Variants in PCYOX1 observed in about 807,000 individuals in gnomAD.
PCYOX1 encodes the protein prenylcysteine lyase.
Under a neutral mutation model 46.4 loss-of-function variants are expected in PCYOX1, and 46 were observed. The ratio of observed to expected loss-of-function variants is 0.99; its 90% CI spans 0.78 to 1.27. The LOEUF (loss-of-function observed/expected upper bound fraction) is 1.27, where lower values mean the gene tolerates loss of function less well. PCYOX1 is among the 50% of genes most tolerant of loss of function. The pLI, the probability that PCYOX1 is intolerant of heterozygous loss-of-function variation, is 0.00. For missense variants in PCYOX1, 658 were observed against 628.3 expected (o/e 1.05, Z -0.51); for synonymous variants, 220 against 231.8 (o/e 0.95, Z 0.46).
intron 3 of PCYOX1, among the ~76,000 whole-genome samples, chr2:70,265,557 G>A (rs1486277874): frequency 6.6e-6 from 1 of 152,118 alleles, no homozygotes; most frequent in Non-Finnish European, 1.5e-5. Context: ...TTTCCTTAAT[G>A]CTTCAATCAA....
chr2:70,277,676 G>A lies in PCYOX1; in HGVS notation c.*284G>A. On this transcript the variant is annotated 3_prime_UTR_variant, in exon 6 of 6. Transcript: ENST00000433351. ...AAGAATCACCTGGAGTTAGGAGGTG[G>A]TGGTTGCAGTGAGCCAATCTCACCA... 3.6e-6 allele frequency: 1 copy of A among 277,376 alleles called. No individual in the cohort carries two copies. Among genetic ancestry groups the A allele is most frequent in the South Asian group, 7.5e-5 (1 of 13,382 alleles). 17.2% of individuals were successfully genotyped at this position (277,376 alleles called of 1,614,324 possible).
chr2:70,264,854 A>G (rs1309269478), intron 3 of PCYOX1, among the ~76,000 whole-genome samples: 1 of 151,936 alleles, frequency 6.6e-6, no homozygotes, highest in Non-Finnish European at 1.5e-5. Flanking sequence ...CCTTGCTAAA[A>G]ATACAAAAAT....
At chr2:70,268,141 G>T (rs1053983780) in intron 3 of PCYOX1, among the ~76,000 whole-genome samples, 1 of 152,114 alleles carries the variant, frequency 6.6e-6, no homozygotes, top group African/African-American at 2.4e-5. Flanking sequence ...CACTAAGTTT[G>T]TGGTAATTTG....
Position 70,279,663 on chromosome 2 carries a change from T to G in PCYOX1, c.*2271T>G, listed in dbSNP as rs1696740636. On this transcript the variant is annotated 3_prime_UTR_variant, in exon 6 of 6. Coordinates refer to ENST00000433351, the MANE Select transcript of PCYOX1 (RefSeq NM_016297.4). ...CGCATGTCTGTAATCCCAGCTACTG[T>G]AATCTCAGCTACTTGGGAGGCTGAG... 1 of 152,048 alleles carries G rather than the reference T, an allele frequency of 6.6e-6. No homozygotes were observed. Among genetic ancestry groups the G allele is most frequent in the African/African-American group, 2.4e-5 (1 of 41,340 alleles). 9.4% of individuals were successfully genotyped at this position (152,048 alleles called of 1,614,324 possible).
intron 3 of PCYOX1, chr2:70,274,669 TC>T (rs746828380): frequency 1.4e-5 from 5 of 349,520 alleles, no homozygotes; most frequent in Non-Finnish European, 2.7e-5. Flanking sequence ...GCTCAAGCAG[TC>T]CTCCTGCCTC....
Position 70,275,116 on chromosome 2 carries a change from G to C in PCYOX1, c.652G>C (p.Ala218Pro). ...FSEKFLNEMI[A>P]PVMRVNYGQS... is the part of the protein sequence containing the mutation. ...TGAGAAGTTCCTCAATGAAATGATT[G>C]CTCCTGTTATGAGGGTCAATTATGG... Residue 218 changes from alanine (A) to proline (P), a missense_variant, in exon 4 of 6, where the codon GCT becomes CCT. Transcript: ENST00000433351. 1 of 1,614,190 alleles carries C rather than the reference G, an allele frequency of 6.2e-7. No individual in the cohort carries two copies. Among genetic ancestry groups the C allele is most frequent in the African/African-American group, 1.3e-5 (1 of 75,042 alleles).
At chr2:70,271,310 C>T (rs1228847774) in intron 3 of PCYOX1, among the ~76,000 whole-genome samples, 1 of 146,936 alleles carries the variant, frequency 6.8e-6, no homozygotes, top group Non-Finnish European at 1.5e-5. Flanking sequence ...TCTGTGTTGG[C>T]TTCAATGAGA....
At chr2:70,269,199 T>A (rs1169543130) in intron 3 of PCYOX1, among the ~76,000 whole-genome samples, 1 of 149,974 alleles carries the variant, frequency 6.7e-6, no homozygotes, top group Non-Finnish European at 1.5e-5. Flanking sequence ...TTTTTTCAGA[T>A]GATGTTTTAC....
Position 70,278,595 on chromosome 2 carries a change from A to T in PCYOX1, c.*1203A>T, listed in dbSNP as rs1204922421. 6.6e-6 allele frequency: 1 copy of T among 152,218 alleles called. No individual in the cohort carries two copies. Among genetic ancestry groups the T allele is most frequent in the Non-Finnish European group, 1.5e-5 (1 of 68,036 alleles). The allele number at this position is 152,218 out of a possible 1,614,324, so 9.4% of individuals were successfully genotyped here. On this transcript the variant is annotated 3_prime_UTR_variant, in exon 6 of 6. Transcript: ENST00000433351. ...GACACCAAAGTTAACCAAGTCCAGC[A>T]TATGTCCAAAGAGTTAAGTGTTTCA...
rs1000816802 is a variant in PCYOX1 at position 70,278,060 on chromosome 2, T to C, written c.*668T>C. On this transcript the variant is annotated 3_prime_UTR_variant, in exon 6 of 6. Transcript: ENST00000433351. ...GCCTAAAGCCTTGACTTTCAGAATG[T>C]TGTCTTTTGATTCTTCTGTCTTGAT... 3 of 152,210 alleles carry C rather than the reference T, an allele frequency of 2.0e-5. No homozygotes were observed. Among genetic ancestry groups the C allele is most frequent in the African/African-American group, 7.2e-5 (3 of 41,450 alleles). 9.4% of individuals were successfully genotyped at this position (152,210 alleles called of 1,614,324 possible). A position where few individuals can be genotyped will look rare whatever the true frequency, so the allele number is the denominator to read the frequency against.
chr2:70,277,130 T>G lies in PCYOX1; in HGVS notation c.1256T>G (p.Leu419Ter). ...SQETLTKAQI[L>*]KLFLSYDYAV... ...GAAACTCTTACTAAAGCACAAATTT[T>G]AAAGCTCTTTCTGTCCTATGATTAT... The change falls in exon 6 of 6, where the codon TTA (leucine) becomes TGA (stop). Residue 419 changes from leucine to a stop codon, truncating the protein, a stop_gained. Coordinates refer to ENST00000433351, the MANE Select transcript of PCYOX1 (RefSeq NM_016297.4). LOFTEE classifies it high-confidence loss of function. The G allele has an allele frequency of 6.2e-7, 1 of 1,614,204 alleles. No individual in the cohort carries two copies. Among genetic ancestry groups the G allele is most frequent in the South Asian group, 1.1e-5 (1 of 91,084 alleles).
At chr2:70,261,816 G>A (rs1696444824) in intron 3 of PCYOX1, among the ~76,000 whole-genome samples, 2 of 151,924 alleles carry the variant, frequency 1.3e-5, no homozygotes, top group African/African-American at 4.8e-5. Context: ...TAATCTCTAT[G>A]CTGTGCTGGT....
chr2:70,258,844 G>C (rs1696387053), intron 1 of PCYOX1, among the ~76,000 whole-genome samples: 1 of 152,236 alleles, frequency 6.6e-6, no homozygotes, highest in African/African-American at 2.4e-5. Flanking sequence ...GCTGCAGAAA[G>C]AATCTGTTCT....
chr2:70,261,181 A>T lies in PCYOX1; in HGVS notation c.320-31A>T, dbSNP rs1210160175. 2.0e-6 allele frequency: 3 copies of T among 1,520,356 alleles called. No homozygotes were observed. In the South Asian group the frequency reaches 3.4e-5, roughly 17 times the overall value. The allele number at this position is 1,520,356 out of a possible 1,614,324, so 94.2% of individuals were successfully genotyped here. On this transcript the variant is annotated intron_variant, in intron 2 of 5. Transcript: ENST00000433351. ...CTTTCATTTGATCAGCATAGACACC[A>T]CTGACTTAGCTGTGCTTTATGTTTT...
Position 70,280,075 on chromosome 2 carries a change from C to T in PCYOX1, c.*2683C>T, listed in dbSNP as rs1033676565. ...AGCCTGGGCAAGAGTGAGACTGTGT[C>T]TCAAAAGGAAAAAAAAAAAATTAAA... On this transcript the variant is annotated 3_prime_UTR_variant, in exon 6 of 6. Coordinates refer to ENST00000433351, the MANE Select transcript of PCYOX1 (RefSeq NM_016297.4). 1.3e-5 allele frequency: 2 copies of T among 151,546 alleles called. No homozygotes were observed. Among genetic ancestry groups the T allele is most frequent in the African/African-American group, 4.9e-5 (2 of 41,188 alleles). The allele number at this position is 151,546 out of a possible 1,614,324, so 9.4% of individuals were successfully genotyped here. A position where few individuals can be genotyped will look rare whatever the true frequency, so the allele number is the denominator to read the frequency against.
upstream of PCYOX1, chr2:70,257,994 C>A: frequency 2.1e-6 from 1 of 484,794 alleles, no homozygotes; most frequent in Non-Finnish European, 3.6e-6. Context: ...GTGGGGAGCT[C>A]CTGCAGGGTT....
chr2:70,258,364 G>A (rs1343949182), intron 1 of PCYOX1, 88 bp downstream of exon 1: 12 of 812,686 alleles, frequency 1.5e-5, no homozygotes, highest in Non-Finnish European at 2.2e-5. Context: ...TCCCACAGCC[G>A]CGACGCAGTC....
At chr2:70,275,417 G>T (rs1573983711) in intron 4 of PCYOX1, 97 bp from the exon 5 acceptor site, 1 of 1,281,254 alleles carries the variant, frequency 7.8e-7, no homozygotes, top group East Asian at 2.3e-5. Context: ...AATGTCTAGA[G>T]ACATTTGGAG....
At chr2:70,264,621 C>T (rs563924585) in intron 3 of PCYOX1, among the ~76,000 whole-genome samples, 7 of 151,902 alleles carry the variant, frequency 4.6e-5, no homozygotes, top group Non-Finnish European at 8.8e-5. Context: ...GCCACCGCAC[C>T]TGGCCTAAGA....
Sources: allele counts gnomAD v4.1 joint callset (sites outside exome capture counted in the v4.1 genomes callset), GRCh38; gene constraint gnomAD v4.1.1; transcripts MANE v1.5; gene names NCBI Gene and HGNC (gene_info 2026-07-23, HGNC 2026-07-21).